Variants in CSMD1 observed in about 807,000 individuals in gnomAD.
The protein encoded by CSMD1 is CUB and sushi domain-containing protein 1.
In CSMD1, 213 loss-of-function variants were observed where a neutral mutation model predicts 417.5. The ratio of observed to expected loss-of-function variants is 0.51; its 90% CI spans 0.46 to 0.57. The LOEUF (loss-of-function observed/expected upper bound fraction) is 0.57, where lower values mean the gene tolerates loss of function less well. Among genes scored for constraint, CSMD1 ranks in the 20% least tolerant of loss-of-function variants. CSMD1 has a pLI of 0.00. For synonymous variants in CSMD1, 2,862 were observed against 1,736.8 expected (o/e 1.65, Z -16.11); for missense variants, 6,923 against 4,529.7 (o/e 1.53, Z -15.17).
intron 3 of CSMD1, among the ~76,000 whole-genome samples, chr8:4,224,150 C>G (rs190499842): frequency 8.3e-4 from 126 of 152,214 alleles, no homozygotes; most frequent in African/African-American, 3.0e-3. Context: ...CTTTGTTTCG[C>G]TTACTACACA....
At chr8:3,451,748 A>G (rs548352218) in intron 12 of CSMD1, among the ~76,000 whole-genome samples, 29 of 152,252 alleles carry the variant, frequency 1.9e-4, no homozygotes, top group African/African-American at 6.5e-4. Flanking sequence ...GTCAGGTAGC[A>G]TGACGCCTCC....
intron 5 of CSMD1, among the ~76,000 whole-genome samples, chr8:3,829,893 C>T (rs549876128): frequency 1.5e-4 from 23 of 152,158 alleles, no homozygotes; most frequent in Admixed American, 1.5e-3. Context: ...CATCTATCTA[C>T]ATAGATCTAT....
intron 26 of CSMD1, among the ~76,000 whole-genome samples, chr8:3,267,715 T>A (rs536067840): frequency 1.3e-5 from 2 of 152,234 alleles, no homozygotes; most frequent in Admixed American, 1.3e-4. Context: ...TGACATCTGA[T>A]GTTTTGGGTT....
rs976838565 is a variant in CSMD1 at position 2,935,677 on chromosome 8, C to G, written c.*2908G>C. 5 of 152,044 alleles carry G rather than the reference C, an allele frequency of 3.3e-5. No individual in the cohort carries two copies. The highest frequency in any genetic ancestry group is 1.9e-4 in the East Asian group (1 of 5,172). 9.4% of individuals were successfully genotyped at this position (152,044 alleles called of 1,614,324 possible). On this transcript the variant is annotated 3_prime_UTR_variant, in exon 70 of 70. Transcript: ENST00000635120. The stretch of plus-strand genomic sequence containing the variant: ...TCTTCATAAAAAATATATCTCTGTA[C>G]AAAAAGGTCTTTCGCACCTACGTCG...
intron 12 of CSMD1, among the ~76,000 whole-genome samples, chr8:3,466,187 C>A (rs1288983223): frequency 6.6e-6 from 1 of 151,682 alleles, no homozygotes; most frequent in Non-Finnish European, 1.5e-5. Context: ...AATTATGAAG[C>A]AGTTGTGATT....
chr8:4,632,367 G>C (rs1193196682), intron 2 of CSMD1, among the ~76,000 whole-genome samples: 1 of 147,548 alleles, frequency 6.8e-6, no homozygotes, highest in African/African-American at 2.6e-5. Context: ...AAAAAAATTA[G>C]CCAGGTGTGG....
chr8:3,246,663 G>C (rs758268780), intron 26 of CSMD1, among the ~76,000 whole-genome samples: 1 of 152,114 alleles, frequency 6.6e-6, no homozygotes, highest in Non-Finnish European at 1.5e-5. Flanking sequence ...AAAGAGACGG[G>C]GTTTTGCCAT....
chr8:3,679,856 A>C (rs958385794), intron 7 of CSMD1, among the ~76,000 whole-genome samples: 1 of 152,218 alleles, frequency 6.6e-6, no homozygotes, highest in South Asian at 2.1e-4. Context: ...CAGTGCAATC[A>C]AACAAGAACT....
intron 3 of CSMD1, among the ~76,000 whole-genome samples, chr8:4,106,924 C>G (rs1051325384): frequency 2.6e-5 from 4 of 152,136 alleles, no homozygotes; most frequent in Admixed American, 2.6e-4. Context: ...TATTTATAAA[C>G]CAAAACGCGT....
Position 4,100,475 on chromosome 8 carries a change from T to C in CSMD1, c.416-68376A>G, listed in dbSNP as rs182272114. On this transcript the variant is annotated intron_variant, in intron 3 of 69. Transcript: ENST00000635120. ...TTTTATCTCCAAATGTTGCTTAACT[T>C]TTCTAAGCCTTAGTCTCATCAACTA... 1.9e-3 allele frequency among the ~76,000 whole-genome samples: 288 copies of C among 152,316 alleles called. 2 individuals carry two copies. Among genetic ancestry groups the C allele is most frequent in the African/African-American group, 6.7e-3 (277 of 41,576 alleles).
intron 3 of CSMD1, among the ~76,000 whole-genome samples, chr8:4,099,385 C>T (rs1195074148): frequency 6.6e-6 from 1 of 152,128 alleles, no homozygotes; most frequent in African/African-American, 2.4e-5. Flanking sequence ...GCCTCACCTC[C>T]TATCGCTTAC....
At chr8:4,358,606 G>C (rs1263607708) in intron 3 of CSMD1, among the ~76,000 whole-genome samples, 2 of 152,108 alleles carry the variant, frequency 1.3e-5, no homozygotes, top group Admixed American at 6.5e-5. Context: ...GAAAGTAATA[G>C]TCTAACAGGG....
intron 41 of CSMD1, chr8:3,128,854 T>C (rs1049456747): frequency 3.7e-5 from 17 of 454,992 alleles, no homozygotes; most frequent in Non-Finnish European, 6.2e-5. Context: ...TGGCTTGGAA[T>C]GGGGTGTCAA....
At chr8:4,161,441 G>C (rs1049959611) in intron 3 of CSMD1, among the ~76,000 whole-genome samples, 2 of 152,158 alleles carry the variant, frequency 1.3e-5, no homozygotes, top group East Asian at 1.9e-4. Context: ...AGAGAAAATT[G>C]AAACTGGAAT....
intron 7 of CSMD1, among the ~76,000 whole-genome samples, chr8:3,646,246 C>T (rs767384594): frequency 3.9e-5 from 6 of 151,934 alleles, no homozygotes; most frequent in African/African-American, 7.3e-5. Flanking sequence ...GAAAAAGAAA[C>T]GTGATATGCT....
chr8:3,354,197 A>G (rs1808592307), intron 21 of CSMD1, among the ~76,000 whole-genome samples: 1 of 152,208 alleles, frequency 6.6e-6, no homozygotes. Flanking sequence ...ATACAGTTAA[A>G]TTGGATTCAA....
intron 1 of CSMD1, among the ~76,000 whole-genome samples, chr8:4,804,026 C>A (rs1357677564): frequency 6.6e-6 from 1 of 152,172 alleles, no homozygotes; most frequent in Non-Finnish European, 1.5e-5. Context: ...AAAGCCACAT[C>A]TTTTAAATGC....
intron 1 of CSMD1, among the ~76,000 whole-genome samples, chr8:4,876,102 T>A (rs1803025468): frequency 6.6e-6 from 1 of 152,080 alleles, no homozygotes; most frequent in Admixed American, 6.5e-5. Flanking sequence ...AAAAGTACAG[T>A]AAGTTCAGCT....
At chr8:4,124,302 A>G (rs963475742) in intron 3 of CSMD1, among the ~76,000 whole-genome samples, 1 of 152,198 alleles carries the variant, frequency 6.6e-6, no homozygotes, top group Non-Finnish European at 1.5e-5. Flanking sequence ...AACAGTTATA[A>G]TTCCACAGGA....
Sources: allele counts gnomAD v4.1 joint callset (sites outside exome capture counted in the v4.1 genomes callset), GRCh38; gene constraint gnomAD v4.1.1; transcripts MANE v1.5; gene names NCBI Gene and HGNC (gene_info 2026-07-23, HGNC 2026-07-21).